Variants in CDH4 observed in about 807,000 individuals in gnomAD.
The protein encoded by CDH4 is cadherin-4.
A neutral mutation model predicts 86.0 loss-of-function variants in CDH4; 33 were observed. The observed-to-expected ratio is 0.38, with a 90% CI of 0.29 to 0.51. The LOEUF is 0.51. Ranked by LOEUF, CDH4 falls within the 20% of genes least tolerant of loss-of-function variation. The pLI is 0.86. For missense variants in CDH4, 1,114 were observed against 1,307.4 expected (o/e 0.85, Z 2.28); for synonymous variants, 555 against 549.4 (o/e 1.01, Z -0.14).
At chr20:61,296,284 C>T (rs112161213) in intron 2 of CDH4, among the ~76,000 whole-genome samples, 30,080 of 86,186 alleles carry the variant, frequency 0.35, 3,556 homozygotes, top group Middle Eastern at 0.46. Context: ...TGCGTGGGTG[C>T]GTGTGTGTGT....
chr20:61,766,602 A>G (rs2088701104), intron 3 of CDH4, among the ~76,000 whole-genome samples: 1 of 152,188 alleles, frequency 6.6e-6, no homozygotes, highest in African/African-American at 2.4e-5. Flanking sequence ...AGGGACTGAG[A>G]TCGGGGATGA....
chr20:61,416,802 C>T (rs530559749), intron 2 of CDH4, among the ~76,000 whole-genome samples: 1 of 152,326 alleles, frequency 6.6e-6, no homozygotes, highest in African/African-American at 2.4e-5. Context: ...GGACAGAGGA[C>T]ATAGCTTACC....
rs1299570855 is a variant in CDH4 at position 61,562,310 on chromosome 20, A to G, written c.170-181253A>G. Among the ~76,000 whole-genome samples the G allele has an allele frequency of 4.2e-5, 4 of 94,258 alleles. 1 individual carries two copies. The highest frequency in any genetic ancestry group is 4.7e-4 in the South Asian group (1 of 2,124). 61.8% of individuals were successfully genotyped at this position (94,258 alleles called of 152,430 possible). On this transcript the variant is annotated intron_variant, in intron 2 of 15. Coordinates refer to ENST00000614565, the MANE Select transcript of CDH4 (RefSeq NM_001794.5). ...CCAGGGCTCCCGGAGAGAGAGAGGG[A>G]CCTCTGTGTGGAGAGGTGGACCCCA...
At chr20:61,514,171 G>A (rs891431524) in intron 2 of CDH4, among the ~76,000 whole-genome samples, 1 of 152,184 alleles carries the variant, frequency 6.6e-6, no homozygotes. Flanking sequence ...ATTTGCAGTT[G>A]GTTAAGGATT....
chr20:61,588,698 C>A (rs1372141964), intron 2 of CDH4, among the ~76,000 whole-genome samples: 2 of 152,168 alleles, frequency 1.3e-5, no homozygotes, highest in African/African-American at 4.8e-5. Context: ...GTTTATCTTT[C>A]ATTCATCATT....
intron 2 of CDH4, among the ~76,000 whole-genome samples, chr20:61,713,228 T>C (rs1220429174): frequency 6.6e-6 from 1 of 152,242 alleles, no homozygotes; most frequent in Non-Finnish European, 1.5e-5. Context: ...GACCCCTGCA[T>C]GTCCTCCAGG....
chr20:61,579,523 A>G (rs2086409624), intron 2 of CDH4, among the ~76,000 whole-genome samples: 1 of 151,958 alleles, frequency 6.6e-6, no homozygotes, highest in Non-Finnish European at 1.5e-5. Context: ...CTGGCCTCAG[A>G]TGATCCTCCT....
chr20:61,551,203 A>G (rs1374326475), intron 2 of CDH4, among the ~76,000 whole-genome samples: 2 of 152,160 alleles, frequency 1.3e-5, no homozygotes, highest in African/African-American at 4.8e-5. Flanking sequence ...ATATGTAGTT[A>G]TTATTTTGTG....
intron 2 of CDH4, among the ~76,000 whole-genome samples, chr20:61,546,341 A>ATG (rs1194859228): frequency 4.0e-5 from 6 of 148,918 alleles, no homozygotes; most frequent in Admixed American, 1.3e-4. Flanking sequence ...AGGTGTGTAT[A>ATG]TGCGTGTGTG....
chr20:61,533,657 A>G (rs4925187), intron 2 of CDH4, among the ~76,000 whole-genome samples: 23,400 of 152,262 alleles, frequency 0.15, 2,114 homozygotes, highest in East Asian at 0.45. Flanking sequence ...GGCCATTAGC[A>G]CTGCCGCCTC....
In CDH4 at chr20:61,902,700, C is replaced by T. The variant is rs1362252534; in HGVS notation, c.1188+7653C>T. ...CTTTATTTACAAAAACAAAAAGATTCAGGCCACAGGCTTGTTGTCGAGCCC... is the reference window on the plus strand; with the variant it reads ...CTTTATTTACAAAAACAAAAAGATTTAGGCCACAGGCTTGTTGTCGAGCCC... On this transcript the variant is annotated intron_variant, in intron 8 of 15. Transcript: ENST00000614565. The surrounding 1 kb of genome is among the most constrained non-coding windows in gnomAD (Gnocchi z 4.6). Among the ~76,000 whole-genome samples, 2 of 152,214 alleles carry T rather than the reference C, an allele frequency of 1.3e-5. No homozygotes were observed. Among genetic ancestry groups the T allele is most frequent in the Admixed American group, 1.3e-4 (2 of 15,288 alleles).
At chr20:61,316,752 G>A (rs139662472) in intron 2 of CDH4, among the ~76,000 whole-genome samples, 27 of 152,346 alleles carry the variant, frequency 1.8e-4, no homozygotes, top group Admixed American at 2.6e-4. Flanking sequence ...TAGAGCCGCC[G>A]CCTCTGCTTT....
At chr20:61,598,576 G>A (rs1342536109) in intron 2 of CDH4, among the ~76,000 whole-genome samples, 2 of 152,186 alleles carry the variant, frequency 1.3e-5, no homozygotes, top group Non-Finnish European at 2.9e-5. Flanking sequence ...GTAAGGTGTG[G>A]AGATACCCCT....
intron 2 of CDH4, among the ~76,000 whole-genome samples, chr20:61,735,502 C>T (rs1474911172): frequency 6.6e-6 from 1 of 152,106 alleles, no homozygotes; most frequent in Non-Finnish European, 1.5e-5. Flanking sequence ...CAGCCCAATG[C>T]AGACCCCCAA....
chr20:61,898,864 G>A (rs931558268), intron 8 of CDH4, among the ~76,000 whole-genome samples: 1 of 152,212 alleles, frequency 6.6e-6, no homozygotes, highest in East Asian at 1.9e-4. Context: ...CCCATCCCAG[G>A]GGCATGGAGC....
chr20:61,782,569 GTAT>G (rs1978605870), intron 4 of CDH4, among the ~76,000 whole-genome samples: 1 of 152,292 alleles, frequency 6.6e-6, no homozygotes, highest in African/African-American at 2.4e-5. Context: ...GTACAGCATT[GTAT>G]TAGGGAGTTT....
At chr20:61,581,573 C>T (rs1004163448) in intron 2 of CDH4, among the ~76,000 whole-genome samples, 40 of 152,134 alleles carry the variant, frequency 2.6e-4, no homozygotes, top group African/African-American at 9.2e-4. Flanking sequence ...GAGGCAGCCT[C>T]TTCCGGTCTG....
At chr20:61,837,767 C>A (rs915925608) in intron 4 of CDH4, among the ~76,000 whole-genome samples, 6 of 152,050 alleles carry the variant, frequency 3.9e-5, no homozygotes, top group African/African-American at 4.8e-5. Flanking sequence ...GAGCACCCCC[C>A]CCGTGGGTCT....
intron 4 of CDH4, among the ~76,000 whole-genome samples, chr20:61,773,950 G>T (rs868590867): frequency 6.6e-6 from 1 of 152,326 alleles, no homozygotes; most frequent in South Asian, 2.1e-4. Flanking sequence ...ATGCAGAGAT[G>T]GGAGGAAGAG....
Sources: gnomAD v4.1 joint callset for allele counts (sites outside exome capture counted in the v4.1 genomes callset) on GRCh38, gnomAD v4.1.1 for gene constraint, Gnocchi (gnomAD v3.1) non-coding constraint, MANE v1.5 for transcripts, NCBI Gene and HGNC (gene_info 2026-07-23, HGNC 2026-07-21) for gene names.